Variants in ALDH1A1 observed in about 807,000 individuals in gnomAD.
ALDH1A1 encodes the protein aldehyde dehydrogenase 1A1.
A neutral mutation model predicts 62.1 loss-of-function variants in ALDH1A1; 19 were observed. The ratio of observed to expected loss-of-function variants is 0.31; its 90% CI spans 0.21 to 0.45. The LOEUF is 0.45. ALDH1A1 is among the 20% of genes least tolerant of loss of function. The pLI is 1.00. For missense variants in ALDH1A1, 521 were observed against 607.1 expected (o/e 0.86, Z 1.49); for synonymous variants, 231 against 215.9 (o/e 1.07, Z -0.61).
In ALDH1A1 at chr9:72,909,346, G is replaced by A. The variant is rs149295323; in HGVS notation, c.1358+256C>T. Among the ~76,000 whole-genome samples the A allele has an allele frequency of 7.5e-3, 1,134 of 151,872 alleles. 10 individuals carry two copies. Among genetic ancestry groups the A allele is most frequent in the African/African-American group, 0.025 (1,042 of 41,414 alleles). ...TTTTTGTATTTTTAGTAGACATGGCGTTTCACCATGTTGGCCAGGCTGGTC... is the reference window on the plus strand; with the variant it reads ...TTTTTGTATTTTTAGTAGACATGGCATTTCACCATGTTGGCCAGGCTGGTC... On this transcript the variant is annotated intron_variant, in intron 11 of 12. Transcript: ENST00000297785.
intron 11 of ALDH1A1, among the ~76,000 whole-genome samples, chr9:72,908,798 G>A (rs1230005267): frequency 1.3e-5 from 2 of 152,058 alleles, no homozygotes; most frequent in Non-Finnish European, 2.9e-5. Context: ...GAGAGGCACA[G>A]ACTTCATGTT....
At chr9:72,935,045 A>G (rs1443251632) in intron 2 of ALDH1A1, among the ~76,000 whole-genome samples, 1 of 152,192 alleles carries the variant, frequency 6.6e-6, no homozygotes, top group Non-Finnish European at 1.5e-5. Context: ...TAAACTCATC[A>G]TGTTGTACTG....
intron 11 of ALDH1A1, among the ~76,000 whole-genome samples, chr9:72,907,491 A>G (rs1354920357): frequency 1.3e-5 from 2 of 152,258 alleles, no homozygotes; most frequent in Non-Finnish European, 2.9e-5. Flanking sequence ...TCATCAAACA[A>G]GCATGGAACA....
intron 12 of ALDH1A1, among the ~76,000 whole-genome samples, chr9:72,902,592 A>C (rs1211181857): frequency 6.6e-6 from 1 of 152,082 alleles, no homozygotes; most frequent in East Asian, 1.9e-4. Context: ...TCTCAGGGTT[A>C]GATCAATCAA....
chr9:72,947,880 A>G (rs1830492947), intron 1 of ALDH1A1, among the ~76,000 whole-genome samples: 1 of 151,944 alleles, frequency 6.6e-6, no homozygotes, highest in Non-Finnish European at 1.5e-5. Context: ...TGAGAGAAAT[A>G]TATGAAATCA....
intron 5 of ALDH1A1, 81 bp downstream of exon 5, chr9:72,927,035 T>C (rs2118536008): frequency 1.0e-6 from 1 of 988,542 alleles, no homozygotes; most frequent in East Asian, 2.5e-5. Flanking sequence ...AGCATCCATC[T>C]GTTTTAGAGA....
At chr9:72,951,074 C>T (rs8187871) in intron 1 of ALDH1A1, among the ~76,000 whole-genome samples, 8,675 of 151,892 alleles carry the variant, frequency 0.057, 694 homozygotes, top group African/African-American at 0.17. Flanking sequence ...AGAAGATGCA[C>T]GAGAAATCAA....
intron 1 of ALDH1A1, among the ~76,000 whole-genome samples, chr9:72,945,687 C>A (rs1303803978): frequency 6.6e-6 from 1 of 151,818 alleles, no homozygotes; most frequent in Non-Finnish European, 1.5e-5. Flanking sequence ...AGAGACTGAA[C>A]AAAAGTCAGG....
intron 7 of ALDH1A1, among the ~76,000 whole-genome samples, chr9:72,920,258 TC>T (rs1224609023): frequency 6.6e-5 from 10 of 152,182 alleles, no homozygotes; most frequent in African/African-American, 2.4e-4. Context: ...ATTTTATGTT[TC>T]TAAATCAAAC....
At chr9:72,910,791 C>T (rs1482342333) in intron 10 of ALDH1A1, among the ~76,000 whole-genome samples, 1 of 152,074 alleles carries the variant, frequency 6.6e-6, no homozygotes, top group Non-Finnish European at 1.5e-5. Context: ...GGCTGCTGTT[C>T]AATAGAGGTT....
In ALDH1A1 at chr9:72,936,375, G is replaced by A. The variant is rs574839071; in HGVS notation, c.171+3773C>T. On this transcript the variant is annotated intron_variant, in intron 2 of 12. Transcript: ENST00000297785. ...CCAGTGGCAAAGGTCGATGTTCAAG[G>A]CTCCAGAACTAAAACATCAATAATA... Among the ~76,000 whole-genome samples, 6 of 152,260 alleles carry A rather than the reference G, an allele frequency of 3.9e-5. No individual in the cohort carries two copies. In the South Asian group the frequency reaches 8.3e-4, roughly 21 times the overall value.
At chr9:72,925,890 C>T (rs1830199139) in intron 5 of ALDH1A1, among the ~76,000 whole-genome samples, 3 of 152,046 alleles carry the variant, frequency 2.0e-5, no homozygotes, top group African/African-American at 4.8e-5. Flanking sequence ...AAAATCACTG[C>T]ATGGTTTGGC....
intron 1 of ALDH1A1, among the ~76,000 whole-genome samples, chr9:72,947,766 C>A (rs1292435336): frequency 2.0e-5 from 3 of 151,816 alleles, no homozygotes; most frequent in Non-Finnish European, 2.9e-5. Context: ...AGCTATGTGA[C>A]CTTAAGTCAG....
In ALDH1A1 at chr9:72,901,032, T is replaced by G. The variant is rs1275673233; in HGVS notation, c.*176A>C. On this transcript the variant is annotated 3_prime_UTR_variant, in exon 13 of 13. Coordinates refer to ENST00000297785, the MANE Select transcript of ALDH1A1 (RefSeq NM_000689.5). ...GGTCACATTTCAGAAGGCAAATAAT[T>G]CTTTCAGAAGAAGCTACATGTCAAG... 2.1e-6 allele frequency: 1 copy of G among 467,430 alleles called. No homozygotes were observed. Among genetic ancestry groups the G allele is most frequent in the African/African-American group, 1.9e-5 (1 of 51,498 alleles). 29.0% of individuals were successfully genotyped at this position (467,430 alleles called of 1,614,324 possible).
At position 72,911,946 on chromosome 9, in the gene ALDH1A1, G is replaced by T; in HGVS notation, c.1200+12C>A. 5 of 1,613,718 alleles carry T rather than the reference G, an allele frequency of 3.1e-6. No homozygotes were observed. The highest frequency in any genetic ancestry group is 3.4e-6 in the Non-Finnish European group (4 of 1,179,732). Reference sequence around the variant, plus strand: ...GGCAACAAAAAGAACAGAACAGAATGAAGCCATTTACCTCCTCTTTGGCAA... The same window carrying T: ...GGCAACAAAAAGAACAGAACAGAATTAAGCCATTTACCTCCTCTTTGGCAA... On this transcript the variant is annotated intron_variant, in intron 10 of 12. Coordinates refer to ENST00000297785, the MANE Select transcript of ALDH1A1 (RefSeq NM_000689.5).
At chr9:72,928,392 G>A (rs1336616575) in intron 4 of ALDH1A1, among the ~76,000 whole-genome samples, 3 of 152,160 alleles carry the variant, frequency 2.0e-5, no homozygotes, top group Non-Finnish European at 4.4e-5. Context: ...GAAGATATTT[G>A]AAACGAGTCC....
intron 4 of ALDH1A1, 147 bp from the exon 5 acceptor site, chr9:72,927,324 G>A (rs1830224483): frequency 3.9e-6 from 2 of 512,336 alleles, no homozygotes; most frequent in South Asian, 7.3e-5. Flanking sequence ...TGTAATCCCA[G>A]CACTTTGGGA....
At chr9:72,937,223 AG>A (rs1830356850) in intron 2 of ALDH1A1, among the ~76,000 whole-genome samples, 2 of 152,226 alleles carry the variant, frequency 1.3e-5, no homozygotes, top group Non-Finnish European at 2.9e-5. Context: ...TATCGAATAT[AG>A]TATAGCATAC....
In ALDH1A1 at chr9:72,912,052, T is replaced by C; in HGVS notation, c.1106A>G (p.Glu369Gly). The C allele has an allele frequency of 6.2e-7, 1 of 1,613,860 alleles. No individual in the cohort carries two copies. Among genetic ancestry groups the C allele is most frequent in the Non-Finnish European group, 8.5e-7 (1 of 1,179,836 alleles). Reference protein sequence around the residue: ...ESGKKEGAKLECGGGPWGNKG... With the variant: ...ESGKKEGAKLGCGGGPWGNKG... ...ATTCCCCCACGGGCCTCCTCCACAT[T>C]CCAGTTTGGCCCCTTCTTTCTTCCC... The change falls in exon 10 of 13, where the codon GAA becomes GGA. Residue 369 changes from glutamate to glycine, a missense_variant. By Grantham distance (98) the Glu-to-Gly change is moderately conservative. Coordinates refer to ENST00000297785, the MANE Select transcript of ALDH1A1 (RefSeq NM_000689.5).
Sources: allele counts gnomAD v4.1 joint callset (sites outside exome capture counted in the v4.1 genomes callset), GRCh38; gene constraint gnomAD v4.1.1; transcripts MANE v1.5; gene names NCBI Gene and HGNC (gene_info 2026-07-23, HGNC 2026-07-21).